Variants in GTPBP1 observed in about 807,000 individuals in gnomAD.
GTPBP1 encodes GTP-binding protein 1.
GTPBP1 carries 23 observed loss-of-function variants against 62.0 expected under a neutral mutation model. That is an observed-to-expected ratio of 0.37 (90% CI 0.27 to 0.53). The LOEUF (loss-of-function observed/expected upper bound fraction) is 0.53, where lower values mean the gene tolerates loss of function less well. GTPBP1 is among the 20% of genes least tolerant of loss of function. The pLI is 0.89. For synonymous variants in GTPBP1, 344 were observed against 364.4 expected, an observed-to-expected ratio of 0.94 and a Z score of 0.64; for missense variants, 640 against 917.3, an observed-to-expected ratio of 0.70 and a Z score of 3.90.
At chr22:38,738,847 CG>C (rs1315338932), downstream of GTPBP1, 1 of 1,595,294 alleles carries the variant, frequency 6.3e-7, no homozygotes, top group Non-Finnish European at 8.6e-7. This position sits in a 1 kb window ranked among gnomAD's most constrained non-coding sequence, Gnocchi z 6.6. Flanking sequence ...TCAGAGCCCC[CG>C]CTGCTGTGCT....
At chr22:38,739,104 C>A (rs2092832370), downstream of GTPBP1, 11 of 1,108,084 alleles carry the variant, frequency 9.9e-6, no homozygotes, top group Non-Finnish European at 1.5e-5. This position sits in a 1 kb window ranked among gnomAD's most constrained non-coding sequence, Gnocchi z 6.7. Flanking sequence ...TAGCCTTTAA[C>A]CCTAACCGAG....
At chr22:38,739,174 C>T (rs769758922), downstream of GTPBP1, 5 of 901,040 alleles carry the variant, frequency 5.5e-6, no homozygotes, top group Non-Finnish European at 8.8e-6. This position sits in a 1 kb window ranked among gnomAD's most constrained non-coding sequence, Gnocchi z 6.7. Flanking sequence ...CTCGGTACGT[C>T]CTGACTTCCC....
chr22:38,730,889 G>C lies in GTPBP1; in HGVS notation c.*185G>C. On this transcript the variant is annotated 3_prime_UTR_variant, in exon 12 of 12. Transcript: ENST00000216044. The surrounding 1 kb of genome is among the most constrained non-coding windows in gnomAD (Gnocchi z 5.6). ...ATTTATAAGCTGACGAAGGTAGCCA[G>C]ACTTCCGGAGGACTGACCATCTCTC... 1 of 557,460 alleles carries C rather than the reference G, an allele frequency of 1.8e-6. No homozygotes were observed. The allele number at this position is 557,460 out of a possible 1,614,324, so 34.5% of individuals were successfully genotyped here.
At chr22:38,722,828 G>T in intron 5 of GTPBP1, 1 of 1,572,176 alleles carries the variant, frequency 6.4e-7, no homozygotes. Context: ...TTGCTGGGCA[G>T]ACTTCTCCAT....
At chr22:38,717,100 T>C in intron 4 of GTPBP1, 100 bp downstream of exon 4, 1 of 737,492 alleles carries the variant, frequency 1.4e-6, no homozygotes, top group African/African-American at 1.7e-5. Flanking sequence ...GCCTGTTGGT[T>C]TGGGGCTTTG....
At chr22:38,740,170 G>C, downstream of GTPBP1, 1 of 1,402,152 alleles carries the variant, frequency 7.1e-7, no homozygotes, top group Non-Finnish European at 9.4e-7. The surrounding 1 kb of genome is among the most constrained non-coding windows in gnomAD (Gnocchi z 4.8). Flanking sequence ...CATAACAGAG[G>C]CTGCAGGGGC....
chr22:38,715,960 G>A lies in GTPBP1; in HGVS notation c.358G>A (p.Val120Met), dbSNP rs749991788. ...EADMEASYATVKSMAEQIEAD... is the reference protein window; with the variant it reads ...EADMEASYATMKSMAEQIEAD... ...TGACATGGAGGCCTCCTACGCCACAGTGAAGAGCATGGCGGAACAGATAGA... is the reference window on the plus strand; with the variant it reads ...TGACATGGAGGCCTCCTACGCCACAATGAAGAGCATGGCGGAACAGATAGA... The change falls in exon 3 of 12, where the codon GTG becomes ATG. Residue 120 changes from valine (V) to methionine (M), a missense_variant. By Grantham distance (21) the Val-to-Met change is conservative. Around this residue, in one of 4 missense-constraint regions of GTPBP1, gnomAD observed 215 missense variants for 235.1 expected, o/e 0.91. Coordinates refer to ENST00000216044, the MANE Select transcript of GTPBP1 (RefSeq NM_004286.5). 2 of 1,614,072 alleles carry A rather than the reference G, an allele frequency of 1.2e-6. No homozygotes were observed. Among genetic ancestry groups the A allele is most frequent in the South Asian group, 2.2e-5 (2 of 91,088 alleles).
downstream of GTPBP1, chr22:38,740,431 TG>T: frequency 6.6e-7 from 1 of 1,508,948 alleles, no homozygotes. The surrounding 1 kb of genome is among the most constrained non-coding windows in gnomAD (Gnocchi z 4.8). Context: ...TCCTGGGTCA[TG>T]CTGGTCCCAG....
chr22:38,735,212 C>G (rs1354621074), downstream of GTPBP1: 1 of 455,560 alleles, frequency 2.2e-6, no homozygotes, highest in Non-Finnish European at 4.4e-6. Context: ...CCCCCACCAA[C>G]TGCCCCACAG....
chr22:38,740,732 G>T (rs2092849370), downstream of GTPBP1: 1 of 588,018 alleles, frequency 1.7e-6, no homozygotes, highest in African/African-American at 1.9e-5. This position sits in a 1 kb window ranked among gnomAD's most constrained non-coding sequence, Gnocchi z 4.8. Context: ...AGGCAGTTAT[G>T]TGAGGCTGTA....
downstream of GTPBP1, chr22:38,741,479 C>T (rs189836997): frequency 1.9e-5 from 31 of 1,613,388 alleles, 1 homozygote; most frequent in African/African-American, 1.9e-4. Context: ...CCCTGAGTGC[C>T]GCAAGCCCGC....
chr22:38,708,405 C>T (rs2092618716), intron 1 of GTPBP1, among the ~76,000 whole-genome samples: 2 of 152,152 alleles, frequency 1.3e-5, no homozygotes, highest in Admixed American at 6.5e-5. Context: ...CTTTTGTTAT[C>T]CTGGAAGCCA....
At chr22:38,711,809 ACT>A (rs1317831169) in intron 2 of GTPBP1, among the ~76,000 whole-genome samples, 1 of 151,866 alleles carries the variant, frequency 6.6e-6, no homozygotes. Flanking sequence ...CGAGAGTGAG[ACT>A]CTATCTCTAA....
At position 38,722,826 on chromosome 22, in the gene GTPBP1, C is replaced by A. The variant is rs776066610; in HGVS notation, c.958+961C>A. ...AGAATCCAGTGTCCAGTTTGCTGGG[C>A]AGACTTCTCCATGGGTTTCTACATA... On this transcript the variant is annotated intron_variant, in intron 5 of 11. Coordinates refer to ENST00000216044, the MANE Select transcript of GTPBP1 (RefSeq NM_004286.5). 7.4e-5 allele frequency: 117 copies of A among 1,574,952 alleles called. No homozygotes were observed. The Middle Eastern group carries it at 8.3e-4, about 11-fold the overall frequency.
Position 38,732,116 on chromosome 22 carries a change from T to TTCCTC in GTPBP1, c.*1413_*1417dup. 6.5e-6 allele frequency: 1 copy of TTCCTC among 153,282 alleles called. No homozygotes were observed. The highest frequency in any genetic ancestry group is 2.1e-4 in the South Asian group (1 of 4,832). 9.5% of individuals were successfully genotyped at this position (153,282 alleles called of 1,614,324 possible). A position where few individuals can be genotyped will look rare whatever the true frequency, so the allele number is the denominator to read the frequency against. On this transcript the variant is annotated 3_prime_UTR_variant, in exon 12 of 12. Coordinates refer to ENST00000216044, the MANE Select transcript of GTPBP1 (RefSeq NM_004286.5). ...CTCCTCCTGTCCCCAACCCTTTCCT[T>TTCCTC]TCCTCCTGCTTGCGGACTGCTGGTC... is the stretch of plus-strand genomic sequence containing the variant.
downstream of GTPBP1, chr22:38,738,712 G>A: frequency 6.2e-7 from 1 of 1,613,650 alleles, no homozygotes; most frequent in Non-Finnish European, 8.5e-7. The surrounding 1 kb of genome is among the most constrained non-coding windows in gnomAD (Gnocchi z 6.6). Context: ...GCGAAGCCTT[G>A]TGGCCCCTGG....
chr22:38,738,790 T>C (rs1288829331), downstream of GTPBP1: 7 of 1,606,692 alleles, frequency 4.4e-6, no homozygotes, highest in Non-Finnish European at 5.1e-6. The surrounding 1 kb of genome is among the most constrained non-coding windows in gnomAD (Gnocchi z 6.6). Flanking sequence ...GACAGGGCCC[T>C]GAGTCCAGCT....
Position 38,728,044 on chromosome 22 carries a change from C to T in GTPBP1, c.1599C>T (p.Arg533=), listed in dbSNP as rs766601401. ...TGAGCATGGACAAGGACTGTCTGCG[C>T]ACTGGGGACAAGGCCACTGTACACT... ...TILSMDKDCL[R]TGDKATVHFR... The change falls in exon 10 of 12, where the codon CGC becomes CGT. Residue 533 remains arginine (R), a synonymous_variant. Coordinates refer to ENST00000216044, the MANE Select transcript of GTPBP1 (RefSeq NM_004286.5). The T allele has an allele frequency of 3.1e-6, 5 of 1,612,782 alleles. No individual in the cohort carries two copies. The East Asian group carries it at 6.7e-5, about 22-fold the overall frequency.
chr22:38,710,178 A>G (rs2145841154), intron 2 of GTPBP1, among the ~76,000 whole-genome samples: 1 of 152,374 alleles, frequency 6.6e-6, no homozygotes, highest in South Asian at 2.1e-4. Context: ...GCCAGGTAAT[A>G]ATTCTTTTGT....
Sources: allele counts gnomAD v4.1 joint callset (sites outside exome capture counted in the v4.1 genomes callset), GRCh38; gene constraint gnomAD v4.1.1; regional missense constraint gnomAD v4.1.1; non-coding constraint Gnocchi (gnomAD v3.1); transcripts MANE v1.5; gene names NCBI Gene and HGNC (gene_info 2026-07-23, HGNC 2026-07-21).